Variants in VPS53 observed in about 807,000 individuals in gnomAD.
The protein encoded by VPS53 is vacuolar protein sorting-associated protein 53 homolog.
In VPS53, 70 loss-of-function variants were observed where a neutral mutation model predicts 107.0. The observed-to-expected ratio is 0.65, with a 90% CI of 0.54 to 0.80. VPS53 has a LOEUF of 0.80. VPS53 is among the 30% of genes least tolerant of loss of function. The pLI is 0.00. For synonymous variants in VPS53, 409 were observed against 393.3 expected, an observed-to-expected ratio of 1.04 and a Z score of -0.47; for missense variants, 917 against 1,049.4, an observed-to-expected ratio of 0.87 and a Z score of 1.74.
chr17:544,110 C>T (rs368123567), intron 17 of VPS53, among the ~76,000 whole-genome samples: 2 of 152,026 alleles, frequency 1.3e-5, no homozygotes, highest in African/African-American at 4.8e-5. Flanking sequence ...AAATATTCAA[C>T]GCAGATTGGA....
At chr17:535,438 A>T (rs1909973944) in intron 18 of VPS53, among the ~76,000 whole-genome samples, 1 of 136,186 alleles carries the variant, frequency 7.3e-6, no homozygotes, top group African/African-American at 2.5e-5. Context: ...ATGTAAGCTC[A>T]ATCATATGAC....
At chr17:682,535 A>C (rs1163311772) in intron 4 of VPS53, among the ~76,000 whole-genome samples, 2 of 152,248 alleles carry the variant, frequency 1.3e-5, no homozygotes, top group East Asian at 1.9e-4. Flanking sequence ...GGGCTGAAGG[A>C]AAGTTTTTAA....
intron 4 of VPS53, among the ~76,000 whole-genome samples, chr17:665,237 C>T (rs1305987218): frequency 1.3e-5 from 2 of 152,134 alleles, no homozygotes; most frequent in African/African-American, 4.8e-5. Context: ...TCCAACTCTG[C>T]CATGGGACGA....
intron 1 of VPS53, among the ~76,000 whole-genome samples, chr17:711,605 G>A (rs1567758198): frequency 6.6e-6 from 1 of 152,114 alleles, no homozygotes. Flanking sequence ...CAGGATACAA[G>A]AGATACAAAC....
At chr17:695,111 A>C (rs2143894017) in intron 4 of VPS53, among the ~76,000 whole-genome samples, 1 of 152,242 alleles carries the variant, frequency 6.6e-6, no homozygotes, top group East Asian at 1.9e-4. Context: ...AAGGGATGAG[A>C]CTTGTTCTCT....
At chr17:678,919 G>A (rs970425363) in intron 4 of VPS53, among the ~76,000 whole-genome samples, 2 of 99,120 alleles carry the variant, frequency 2.0e-5, no homozygotes, top group East Asian at 3.0e-4. Flanking sequence ...GATGACAGGC[G>A]TGAGCCACCG....
intron 9 of VPS53, among the ~76,000 whole-genome samples, chr17:627,788 A>G (rs936928181): frequency 6.6e-6 from 1 of 152,098 alleles, no homozygotes; most frequent in Admixed American, 6.6e-5. Context: ...ACACACACAC[A>G]CACACACACA....
intron 19 of VPS53, among the ~76,000 whole-genome samples, chr17:531,125 C>A (rs144972517): frequency 1.3e-5 from 2 of 152,206 alleles, no homozygotes; most frequent in Admixed American, 1.3e-4. Flanking sequence ...TGAGTGAACA[C>A]GCCTGCAGCT....
At chr17:624,678 G>A (rs952354655) in intron 10 of VPS53, among the ~76,000 whole-genome samples, 2 of 152,188 alleles carry the variant, frequency 1.3e-5, no homozygotes, top group East Asian at 1.9e-4. Flanking sequence ...CACAAGAAAC[G>A]TGCTGGCTCT....
intron 17 of VPS53, among the ~76,000 whole-genome samples, chr17:547,273 TC>T (rs1911288022): frequency 6.6e-6 from 1 of 152,168 alleles, no homozygotes; most frequent in South Asian, 2.1e-4. Context: ...TAGAAATAAC[TC>T]AAACGTCCAA....
rs1236100372 is a variant in VPS53, at chr17:512,944, G to A, written c.*6184C>T. On this transcript the variant is annotated 3_prime_UTR_variant, in exon 22 of 22. Transcript: ENST00000437048. ...GGCTGTGATGGGAACGGTAAGGACA[G>A]AGAAGGGAAGGTTCACAGGATAGAA... 6.6e-6 allele frequency: 1 copy of A among 152,456 alleles called. No homozygotes were observed. Among genetic ancestry groups the A allele is most frequent in the Non-Finnish European group, 1.5e-5 (1 of 68,196 alleles). 9.4% of individuals were successfully genotyped at this position (152,456 alleles called of 1,614,324 possible).
At chr17:634,605 C>A (rs1318909680) in intron 7 of VPS53, among the ~76,000 whole-genome samples, 4 of 137,162 alleles carry the variant, frequency 2.9e-5, no homozygotes, top group Non-Finnish European at 4.6e-5. Context: ...TCCAAGTGTT[C>A]TCATTGTTCA....
At chr17:648,826 G>A (rs1166732416) in intron 7 of VPS53, among the ~76,000 whole-genome samples, 182 of 130,300 alleles carry the variant, frequency 1.4e-3, no homozygotes, top group African/African-American at 4.6e-3. Context: ...ATCTTACACT[G>A]GAGGACAGAG....
At chr17:571,023 A>G (rs1352043335) in intron 13 of VPS53, among the ~76,000 whole-genome samples, 2 of 152,184 alleles carry the variant, frequency 1.3e-5, no homozygotes, top group African/African-American at 4.8e-5. Flanking sequence ...TCAAAGGTTC[A>G]GGAAAAAAGT....
At chr17:561,058 T>G (rs187590896) in intron 14 of VPS53, among the ~76,000 whole-genome samples, 4 of 152,318 alleles carry the variant, frequency 2.6e-5, no homozygotes, top group Non-Finnish European at 5.9e-5. Context: ...AAGTGAATGT[T>G]AAGAAAAGTC....
At chr17:646,476 G>C (rs938725927) in intron 7 of VPS53, among the ~76,000 whole-genome samples, 5 of 136,284 alleles carry the variant, frequency 3.7e-5, no homozygotes, top group African/African-American at 1.1e-4. Context: ...TGACCGCGTG[G>C]CCACTGCCTC....
chr17:634,529 A>C (rs1970107918), intron 7 of VPS53, among the ~76,000 whole-genome samples: 2 of 145,280 alleles, frequency 1.4e-5, no homozygotes, highest in South Asian at 2.4e-4. Flanking sequence ...ATATCTCCTA[A>C]TGCTATCCCT....
chr17:565,646 C>T (rs1469210475), intron 13 of VPS53, among the ~76,000 whole-genome samples: 1 of 152,050 alleles, frequency 6.6e-6, no homozygotes, highest in East Asian at 1.9e-4. Flanking sequence ...CCACAGCTGA[C>T]CCAACACTCC....
intron 4 of VPS53, among the ~76,000 whole-genome samples, chr17:672,109 G>GAC (rs10630363): frequency 0.061 from 6,652 of 108,776 alleles, 140 homozygotes; most frequent in East Asian, 0.098. Flanking sequence ...TGATGAGGGT[G>GAC]ACACACACAC....
Sources: allele counts gnomAD v4.1 joint callset (sites outside exome capture counted in the v4.1 genomes callset), GRCh38; gene constraint gnomAD v4.1.1; transcripts MANE v1.5; gene names NCBI Gene and HGNC (gene_info 2026-07-23, HGNC 2026-07-21).